The following LRRTM4 variants were observed in gnomAD, a reference collection of about 807,000 sequenced individuals.
LRRTM4 encodes the protein leucine rich repeat transmembrane neuronal 4, also known as leucine-rich repeat transmembrane neuronal protein 4.
LRRTM4 carries 25 observed loss-of-function variants against 47.6 expected under a neutral mutation model. That is an observed-to-expected ratio of 0.53 (90% CI 0.38 to 0.73). LRRTM4 has a LOEUF of 0.73. LRRTM4 is among the 30% of genes least tolerant of loss of function. The pLI is 0.00. For synonymous variants in LRRTM4, 311 were observed against 269.5 expected (o/e 1.15, Z -1.51); for missense variants, 638 against 713.4 (o/e 0.89, Z 1.20).
intron 3 of LRRTM4, among the ~76,000 whole-genome samples, chr2:77,205,992 C>G (rs988922024): frequency 5.9e-5 from 9 of 151,610 alleles, no homozygotes; most frequent in African/African-American, 2.2e-4. Flanking sequence ...TGCACCACCA[C>G]CCCTGGCAAA....
At chr2:76,958,059 C>T (rs1003039650) in intron 3 of LRRTM4, among the ~76,000 whole-genome samples, 1 of 151,550 alleles carries the variant, frequency 6.6e-6, no homozygotes, top group Admixed American at 6.6e-5. Context: ...TAAGCTTTAA[C>T]ACTTGACATG....
At chr2:77,504,817 A>C (rs1392356857) in intron 3 of LRRTM4, among the ~76,000 whole-genome samples, 1 of 151,476 alleles carries the variant, frequency 6.6e-6, no homozygotes, top group African/African-American at 2.4e-5. Context: ...TTTGTTATAC[A>C]TGCTAAATTT....
chr2:76,911,133 C>T (rs1220828769), intron 3 of LRRTM4, among the ~76,000 whole-genome samples: 1 of 152,070 alleles, frequency 6.6e-6, no homozygotes, highest in Admixed American at 6.6e-5. Flanking sequence ...TTAATAATTA[C>T]TCATTTAGTC....
intron 3 of LRRTM4, among the ~76,000 whole-genome samples, chr2:77,095,926 A>G (rs573392222): frequency 1.3e-5 from 2 of 152,350 alleles, no homozygotes; most frequent in South Asian, 2.1e-4. Flanking sequence ...GTCTTGGACT[A>G]TAGGAATAAG....
rs72821252 is a variant in LRRTM4, at chr2:76,894,059, T to G, written c.1552-145143A>C. Among the ~76,000 whole-genome samples the G allele has an allele frequency of 5.9e-5, 9 of 151,976 alleles. No individual in the cohort carries two copies. The East Asian group carries it at 7.7e-4, about 13-fold the overall frequency. ...ATACTGAAAAATATCAGTTAATTAA[T>G]TGTATGTAGTCATAATGTTTACCAC... On this transcript the variant is annotated intron_variant, in intron 3 of 3. Coordinates refer to ENST00000409884, the MANE Select transcript of LRRTM4 (RefSeq NM_001134745.3).
At chr2:76,784,791 T>TTTTA (rs77563729) in intron 3 of LRRTM4, among the ~76,000 whole-genome samples, 12 of 152,020 alleles carry the variant, frequency 7.9e-5, no homozygotes, top group African/African-American at 1.9e-4. Flanking sequence ...TTGTATGGTT[T>TTTTA]TTTATTTATT....
At chr2:77,195,317 GA>G (rs1673789920) in intron 3 of LRRTM4, among the ~76,000 whole-genome samples, 1 of 151,778 alleles carries the variant, frequency 6.6e-6, no homozygotes, top group Admixed American at 6.6e-5. Context: ...AATATTTATA[GA>G]TTTTTCTTTG....
In LRRTM4 at chr2:77,505,303, T is replaced by C. The variant is rs528680916; in HGVS notation, c.1551+13015A>G. On this transcript the variant is annotated intron_variant, in intron 3 of 3. Coordinates refer to ENST00000409884, the MANE Select transcript of LRRTM4 (RefSeq NM_001134745.3). ...AAAGAAAAAAAGCTAAAAATTCATT[T>C]GGTAAACTTAGTGTCTGTCCTATTG... Among the ~76,000 whole-genome samples, 125 of 151,524 alleles carry C rather than the reference T, an allele frequency of 8.2e-4. 1 individual carries two copies. The highest frequency in any genetic ancestry group is 2.8e-3 in the African/African-American group (118 of 41,520).
chr2:76,873,533 T>TATATATATATATATATATAC (rs1174673622), intron 3 of LRRTM4, among the ~76,000 whole-genome samples: 26 of 145,180 alleles, frequency 1.8e-4, no homozygotes, highest in African/African-American at 5.7e-4. Context: ...TATATATATA[T>TATATATATATATATATATAC]ACAACATAGT....
intron 3 of LRRTM4, among the ~76,000 whole-genome samples, chr2:76,776,206 C>A (rs12968289): frequency 2.0e-5 from 3 of 152,018 alleles, no homozygotes; most frequent in African/African-American, 7.2e-5. Flanking sequence ...TGAATAATGC[C>A]GCAATAAACA....
At chr2:77,341,929 T>C (rs113649581) in intron 3 of LRRTM4, among the ~76,000 whole-genome samples, 2 of 152,084 alleles carry the variant, frequency 1.3e-5, no homozygotes, top group African/African-American at 2.4e-5. Flanking sequence ...TAATAGAATA[T>C]ACAAAGGCAT....
intron 3 of LRRTM4, among the ~76,000 whole-genome samples, chr2:76,798,195 T>C (rs948585429): frequency 6.6e-6 from 1 of 152,066 alleles, no homozygotes; most frequent in Non-Finnish European, 1.5e-5. Flanking sequence ...ACCACATACT[T>C]GGAAGTAAAG....
At chr2:77,346,360 A>T (rs926871380) in intron 3 of LRRTM4, among the ~76,000 whole-genome samples, 2 of 152,168 alleles carry the variant, frequency 1.3e-5, no homozygotes, top group Admixed American at 1.3e-4. Flanking sequence ...GAAATGGCTG[A>T]TATATGATCA....
At chr2:77,387,869 C>G (rs536515844) in intron 3 of LRRTM4, among the ~76,000 whole-genome samples, 1 of 152,160 alleles carries the variant, frequency 6.6e-6, no homozygotes, top group Non-Finnish European at 1.5e-5. Flanking sequence ...AAAGATTATA[C>G]TATTAAAATG....
Position 76,979,833 on chromosome 2 carries a change from T to G in LRRTM4, c.1552-230917A>C, listed in dbSNP as rs77831305. On this transcript the variant is annotated intron_variant, in intron 3 of 3. Coordinates refer to ENST00000409884, the MANE Select transcript of LRRTM4 (RefSeq NM_001134745.3). ...AAAATAGTGGAGTAATGAAGCAGTT[T>G]AGATTCCTATCTGGTTTCCTGCCCA... 9.6e-3 allele frequency among the ~76,000 whole-genome samples: 1,460 copies of G among 152,080 alleles called. 30 individuals carry two copies. The highest frequency in any genetic ancestry group is 0.033 in the African/African-American group (1,383 of 41,496).
intron 3 of LRRTM4, among the ~76,000 whole-genome samples, chr2:77,382,588 T>C (rs1460658518): frequency 6.6e-6 from 1 of 152,122 alleles, no homozygotes; most frequent in Admixed American, 6.6e-5. Context: ...AAAGTTACTC[T>C]GCTTTTATTT....
At chr2:77,064,119 G>T (rs1679879542) in intron 3 of LRRTM4, among the ~76,000 whole-genome samples, 1 of 152,024 alleles carries the variant, frequency 6.6e-6, no homozygotes, top group Non-Finnish European at 1.5e-5. Flanking sequence ...TAATTTAAAA[G>T]AAATTTATTG....
At chr2:77,375,015 C>CT (rs1672782142) in intron 3 of LRRTM4, among the ~76,000 whole-genome samples, 1 of 151,566 alleles carries the variant, frequency 6.6e-6, no homozygotes, top group South Asian at 2.1e-4. Flanking sequence ...ATATTTCCTA[C>CT]TTTTTTCTGA....
chr2:77,134,108 CAT>C (rs949090725), intron 3 of LRRTM4, among the ~76,000 whole-genome samples: 3 of 151,954 alleles, frequency 2.0e-5, no homozygotes, highest in African/African-American at 7.3e-5. Flanking sequence ...TTTATCAATA[CAT>C]ATATGATATA....
Sources: allele counts gnomAD v4.1 joint callset (sites outside exome capture counted in the v4.1 genomes callset), GRCh38; gene constraint gnomAD v4.1.1; transcripts MANE v1.5; gene names NCBI Gene and HGNC (gene_info 2026-07-23, HGNC 2026-07-21).